The following CNOT1 variants were observed in gnomAD, a reference collection of about 807,000 sequenced individuals.
CNOT1 encodes CCR4-NOT transcription complex subunit 1.
Under a neutral mutation model 273.8 loss-of-function variants are expected in CNOT1, and 15 were observed. The ratio of observed to expected loss-of-function variants is 0.05; its 90% CI spans 0.04 to 0.08. The LOEUF is 0.08. Ranked by LOEUF, CNOT1 falls within the 10% of genes least tolerant of loss-of-function variation. CNOT1 has a pLI of 1.00. For missense variants in CNOT1, 1,644 were observed against 2,912.2 expected, an observed-to-expected ratio of 0.56 and a Z score of 10.02; for synonymous variants, 1,022 against 1,005.5, an observed-to-expected ratio of 1.02 and a Z score of -0.31.
At position 58,525,510 on chromosome 16, in the gene CNOT1, C is replaced by T. The variant is rs12596205; in HGVS notation, c.6604-151G>A. 0.2 allele frequency: 133,213 copies of T among 658,176 alleles called. 15,036 individuals are homozygous for T. Among genetic ancestry groups the T allele is most frequent in the East Asian group, 0.36 (13,060 of 36,352 alleles). The allele number at this position is 658,176 out of a possible 1,614,324, so 40.8% of individuals were successfully genotyped here. ...TGAATTTGTGAGGTTATTTAACAAACACACAGATGCTCCAAAGGTGGTTGT... is the reference window on the plus strand; with the variant it reads ...TGAATTTGTGAGGTTATTTAACAAATACACAGATGCTCCAAAGGTGGTTGT... On this transcript the variant is annotated intron_variant, in intron 45 of 48. Transcript: ENST00000317147.
chr16:58,594,004 G>A (rs1162759257), intron 2 of CNOT1, among the ~76,000 whole-genome samples: 11 of 152,196 alleles, frequency 7.2e-5, no homozygotes, highest in Admixed American at 7.2e-4. Context: ...CAGCACTTTG[G>A]GAGGCCAAGG....
chr16:58,554,600 A>T (rs938990775), intron 21 of CNOT1, among the ~76,000 whole-genome samples: 1 of 151,928 alleles, frequency 6.6e-6, no homozygotes, highest in African/African-American at 2.4e-5. Flanking sequence ...CAACCAAAAA[A>T]CCTCTGTTCT....
chr16:58,533,825 A>C lies in CNOT1; in HGVS notation c.5895+322T>G, dbSNP rs540647958. 2.2e-4 allele frequency among the ~76,000 whole-genome samples: 34 copies of C among 152,216 alleles called. No individual in the cohort carries two copies. The South Asian group carries it at 6.6e-3, about 30-fold the overall frequency. ...GGGCGACAGAGCGAGACTCCATCTC[A>C]AATAAAAAGAAACCACTGATGTGGC... On this transcript the variant is annotated intron_variant, in intron 40 of 48. Transcript: ENST00000317147.
chr16:58,546,739 G>A lies in CNOT1; in HGVS notation c.3761C>T (p.Pro1254Leu). The change falls in exon 28 of 49, where the codon CCA (proline) becomes CTA (leucine). Residue 1254 changes from proline to leucine, a missense_variant. Coordinates refer to ENST00000317147, the MANE Select transcript of CNOT1 (RefSeq NM_016284.5). ...AATTGCCATTGTCCAAGGGTTTGGT[G>A]GCCTAAAAACCTAAAGAAAAGCTAT... ...ESSIRSVVFR[P>L]PNPWTMAIMN... is the part of the protein sequence containing the mutation. 6.2e-6 allele frequency: 10 copies of A among 1,613,714 alleles called. No homozygotes were observed. Among genetic ancestry groups the A allele is most frequent in the African/African-American group, 1.3e-5 (1 of 74,936 alleles).
intron 2 of CNOT1, among the ~76,000 whole-genome samples, chr16:58,594,854 C>T (rs892894765): frequency 3.6e-4 from 54 of 149,708 alleles, no homozygotes; most frequent in African/African-American, 1.1e-3. Context: ...CAGTGGCTCA[C>T]GCCTGTAATC....
At chr16:58,532,558 T>C in intron 40 of CNOT1, 163 bp from the exon 41 acceptor site, 1 of 1,269,834 alleles carries the variant, frequency 7.9e-7, no homozygotes. Context: ...GGGTCATAAA[T>C]TGGTCTGACT....
rs1417663053 is a variant in CNOT1, at chr16:58,525,126, T to C, written c.6784+53A>G. The C allele has an allele frequency of 9.1e-6, 14 of 1,538,624 alleles. No individual in the cohort carries two copies. The East Asian group carries it at 3.2e-4, about 35-fold the overall frequency. On this transcript the variant is annotated intron_variant, in intron 46 of 48. Coordinates refer to ENST00000317147, the MANE Select transcript of CNOT1 (RefSeq NM_016284.5). ...CATTTTTACATTTTTGTGATCAGAT[T>C]GTAGCAAAAAGCACAGAGAACTCTA...
At chr16:58,589,205 A>G (rs890881949) in intron 2 of CNOT1, among the ~76,000 whole-genome samples, 1 of 152,096 alleles carries the variant, frequency 6.6e-6, no homozygotes, top group African/African-American at 2.4e-5. Context: ...TCCAGCTGTA[A>G]TTCAATATTA....
At chr16:58,544,519 A>G (rs2040195413) in intron 30 of CNOT1, among the ~76,000 whole-genome samples, 2 of 152,116 alleles carry the variant, frequency 1.3e-5, no homozygotes, top group Non-Finnish European at 2.9e-5. Context: ...ATGAATCACA[A>G]TTTCTGGATC....
chr16:58,590,649 A>T (rs948926749), intron 2 of CNOT1, among the ~76,000 whole-genome samples: 5 of 152,110 alleles, frequency 3.3e-5, no homozygotes, highest in African/African-American at 1.2e-4. Flanking sequence ...CCTGTAATCC[A>T]AACACCTTGG....
chr16:58,546,957 A>G (rs2040277332), intron 27 of CNOT1, among the ~76,000 whole-genome samples: 1 of 152,216 alleles, frequency 6.6e-6, no homozygotes, highest in African/African-American at 2.4e-5. Context: ...CTTCTCACCT[A>G]TATCACATTT....
At position 58,547,425 on chromosome 16, in the gene CNOT1, T is replaced by C. The variant is rs2040292582; in HGVS notation, c.3640-129A>G. ...TCAACATAATGTCTAGTCCTTGCCT[T>C]ACAAAAAGGGGTTAACAACTCAAAA... On this transcript the variant is annotated intron_variant, in intron 26 of 48. Coordinates refer to ENST00000317147, the MANE Select transcript of CNOT1 (RefSeq NM_016284.5). This position sits in a 1 kb window ranked among gnomAD's most constrained non-coding sequence, Gnocchi z 4.0. 6.6e-7 allele frequency: 1 copy of C among 1,509,056 alleles called. No homozygotes were observed. Among genetic ancestry groups the C allele is most frequent in the East Asian group, 2.3e-5 (1 of 43,808 alleles). The allele number at this position is 1,509,056 out of a possible 1,614,324, so 93.5% of individuals were successfully genotyped here. A position where few individuals can be genotyped will look rare whatever the true frequency, so the allele number is the denominator to read the frequency against.
intron 18 of CNOT1, among the ~76,000 whole-genome samples, chr16:58,558,000 A>G (rs895164566): frequency 2.8e-5 from 4 of 145,254 alleles, no homozygotes; most frequent in African/African-American, 9.7e-5. Context: ...CCCACTACCC[A>G]AAAAACAAAC....
chr16:58,554,698 G>C (rs2040570334), intron 21 of CNOT1, among the ~76,000 whole-genome samples: 1 of 152,100 alleles, frequency 6.6e-6, no homozygotes, highest in Non-Finnish European at 1.5e-5. Context: ...CACTCTGGGA[G>C]GCCGAGGTGG....
chr16:58,545,351 G>A lies in CNOT1; in HGVS notation c.4137+10C>T, dbSNP rs764728888. 8.7e-6 allele frequency: 14 copies of A among 1,612,686 alleles called. No individual in the cohort carries two copies. In the Admixed American group the frequency reaches 2.2e-4, roughly 25 times the overall value. The stretch of plus-strand genomic sequence containing the variant: ...CTAGAAGCTGGGAGAATGGAGCAGT[G>A]TTTACTTACTGTTGGATTCAGAGTA... On this transcript the variant is annotated intron_variant, in intron 30 of 48. Coordinates refer to ENST00000317147, the MANE Select transcript of CNOT1 (RefSeq NM_016284.5).
chr16:58,588,992 A>G, intron 2 of CNOT1, 86 bp from the exon 3 acceptor site: 1 of 1,456,642 alleles, frequency 6.9e-7, no homozygotes, highest in South Asian at 1.3e-5. Flanking sequence ...ATCAACCTCC[A>G]AGGCAAAATT....
At chr16:58,542,656 C>G (rs1158708927) in intron 31 of CNOT1, 88 bp from the exon 32 acceptor site, 1 of 1,526,362 alleles carries the variant, frequency 6.6e-7, no homozygotes, top group Non-Finnish European at 8.8e-7. Context: ...GTAGAAAATG[C>G]AGTGCATTTG....
intron 17 of CNOT1, chr16:58,559,968 G>C (rs760473979): frequency 8.9e-7 from 1 of 1,126,722 alleles, no homozygotes; most frequent in Non-Finnish European, 1.3e-6. Context: ...ATTTTAAAAA[G>C]AAACCCTCTT....
At chr16:58,625,305 G>C in intron 1 of CNOT1, among the ~76,000 whole-genome samples, 1 of 151,662 alleles carries the variant, frequency 6.6e-6, no homozygotes, top group East Asian at 1.9e-4. Context: ...CTGAGGTCAG[G>C]AGTTCGAGAC....
Sources: gnomAD v4.1 joint callset for allele counts (sites outside exome capture counted in the v4.1 genomes callset) on GRCh38, gnomAD v4.1.1 for gene constraint, Gnocchi (gnomAD v3.1) non-coding constraint, MANE v1.5 for transcripts, NCBI Gene and HGNC (gene_info 2026-07-23, HGNC 2026-07-21) for gene names.